Variants in TRHDE observed in about 807,000 individuals in gnomAD.
The protein encoded by TRHDE is thyrotropin releasing hormone degrading enzyme.
Under a neutral mutation model 125.7 loss-of-function variants are expected in TRHDE, and 72 were observed. The observed-to-expected ratio is 0.57, with a 90% CI of 0.47 to 0.70. The LOEUF is 0.70. Among genes scored for constraint, TRHDE ranks in the 30% least tolerant of loss-of-function variants. The probability of loss-of-function intolerance (pLI) is 0.00; values close to 1 mark genes in which losing one functional copy is unlikely to be tolerated. For missense variants in TRHDE, 1,110 were observed against 1,327.1 expected, an observed-to-expected ratio of 0.84 and a Z score of 2.54; for synonymous variants, 509 against 509.1, an observed-to-expected ratio of 1.00 and a Z score of 0.00.
At chr12:72,213,652 T>C (rs2139363489) in intron 2 of TRHDE, among the ~76,000 whole-genome samples, 1 of 152,290 alleles carries the variant, frequency 6.6e-6, no homozygotes, top group Admixed American at 6.5e-5. Context: ...ATTTTCCATA[T>C]ACTTATCTAA....
chr12:72,514,708 A>T (rs762377979), intron 6 of TRHDE, among the ~76,000 whole-genome samples: 1 of 151,418 alleles, frequency 6.6e-6, no homozygotes. Context: ...ACACATGTAT[A>T]CATGTGCCAT....
At chr12:72,645,061 C>T (rs912153303) in intron 15 of TRHDE, among the ~76,000 whole-genome samples, 9 of 152,076 alleles carry the variant, frequency 5.9e-5, no homozygotes, top group South Asian at 2.1e-4. Context: ...AATTGATTAA[C>T]GTGTAGACAT....
At chr12:72,420,566 C>T (rs1873910972) in intron 3 of TRHDE, among the ~76,000 whole-genome samples, 1 of 152,088 alleles carries the variant, frequency 6.6e-6, no homozygotes, top group Non-Finnish European at 1.5e-5. Flanking sequence ...AATCTGAAAA[C>T]TTCCTAAAAG....
intron 2 of TRHDE, among the ~76,000 whole-genome samples, chr12:72,121,962 C>CCCCTCCTTTT (rs1190462728): frequency 6.6e-6 from 1 of 151,974 alleles, no homozygotes; most frequent in African/African-American, 2.4e-5. Flanking sequence ...CTCTGTGCCT[C>CCCCTCCTTTT]CCCTCCTTTT....
intron 1 of TRHDE, among the ~76,000 whole-genome samples, chr12:72,279,177 A>C (rs946655456): frequency 6.6e-6 from 1 of 152,202 alleles, no homozygotes; most frequent in Non-Finnish European, 1.5e-5. Flanking sequence ...AATGCAGGAC[A>C]TGTTTTAGGT....
intron 2 of TRHDE, among the ~76,000 whole-genome samples, chr12:72,259,160 T>C (rs952645436): frequency 1.3e-5 from 2 of 152,226 alleles, no homozygotes; most frequent in Non-Finnish European, 2.9e-5. Context: ...GGCATTCTAA[T>C]TTAAGAAATA....
intron 2 of TRHDE, among the ~76,000 whole-genome samples, chr12:72,327,691 A>G (rs1413883651): frequency 1.3e-5 from 2 of 152,170 alleles, no homozygotes; most frequent in East Asian, 3.9e-4. Flanking sequence ...TTTCATTTGA[A>G]ACTTCTTAAA....
intron 15 of TRHDE, among the ~76,000 whole-genome samples, chr12:72,638,075 C>G (rs570604007): frequency 1.1e-4 from 16 of 147,542 alleles, no homozygotes; most frequent in East Asian, 4.0e-4. Context: ...CTTTCTGTCT[C>G]GTTGATCTGT....
intron 3 of TRHDE, among the ~76,000 whole-genome samples, chr12:72,435,400 T>G: frequency 6.6e-6 from 1 of 152,176 alleles, no homozygotes; most frequent in Middle Eastern, 3.2e-3. Flanking sequence ...GCTTGAGAGC[T>G]CCCTGTGTTG....
chr12:72,257,483 T>C (rs1455321308), intron 2 of TRHDE: 1 of 152,214 alleles, frequency 6.6e-6, no homozygotes. Context: ...AAAACACTTC[T>C]TGACCGAAAC....
At chr12:72,334,866 C>T (rs1336254199) in intron 2 of TRHDE, among the ~76,000 whole-genome samples, 4 of 152,128 alleles carry the variant, frequency 2.6e-5, no homozygotes, top group East Asian at 1.9e-4. Context: ...CCCCGGGTCA[C>T]GCCAGGCAGG....
At chr12:72,376,603 T>A (rs1871893605) in intron 2 of TRHDE, among the ~76,000 whole-genome samples, 2 of 152,226 alleles carry the variant, frequency 1.3e-5, no homozygotes, top group South Asian at 4.1e-4. Flanking sequence ...ATTTAGTAAA[T>A]AACTTACTGC....
intron 2 of TRHDE, among the ~76,000 whole-genome samples, chr12:72,208,521 G>A (rs1352823331): frequency 6.6e-6 from 1 of 152,132 alleles, no homozygotes; most frequent in African/African-American, 2.4e-5. Context: ...AATGGCAGTG[G>A]CAAACTGTTG....
chr12:72,168,569 C>G (rs1592467615), intron 2 of TRHDE, among the ~76,000 whole-genome samples: 1 of 152,218 alleles, frequency 6.6e-6, no homozygotes, highest in Non-Finnish European at 1.5e-5. Flanking sequence ...TTCAATCCTG[C>G]TCCTCTTGAC....
chr12:72,651,762 T>C (rs536529786), intron 15 of TRHDE, among the ~76,000 whole-genome samples: 5 of 152,116 alleles, frequency 3.3e-5, no homozygotes, highest in Non-Finnish European at 7.4e-5. Context: ...TTTATAAACA[T>C]AGGAAAAAAT....
intron 3 of TRHDE, among the ~76,000 whole-genome samples, chr12:72,438,589 G>T (rs1296777316): frequency 6.6e-6 from 1 of 151,632 alleles, no homozygotes; most frequent in Non-Finnish European, 1.5e-5. Context: ...CTATCATGGT[G>T]TTTTGCTTTC....
chr12:72,584,741 A>G (rs1349846095), intron 12 of TRHDE, among the ~76,000 whole-genome samples: 1 of 152,108 alleles, frequency 6.6e-6, no homozygotes. Flanking sequence ...TTCCTTTTTT[A>G]TGGGTAAATA....
At chr12:72,420,398 T>G (rs1794950120) in intron 3 of TRHDE, among the ~76,000 whole-genome samples, 1 of 152,186 alleles carries the variant, frequency 6.6e-6, no homozygotes, top group Non-Finnish European at 1.5e-5. Flanking sequence ...GACTGTCTCA[T>G]GTCTGGAAGG....
intron 2 of TRHDE, among the ~76,000 whole-genome samples, chr12:72,129,472 C>G (rs1188101051): frequency 6.6e-6 from 1 of 152,162 alleles, no homozygotes; most frequent in African/African-American, 2.4e-5. Flanking sequence ...TGTAATAAGC[C>G]TTCTCTTATG....
Sources: allele counts gnomAD v4.1 joint callset (sites outside exome capture counted in the v4.1 genomes callset), GRCh38; gene constraint gnomAD v4.1.1; transcripts MANE v1.5; gene names NCBI Gene and HGNC (gene_info 2026-07-23, HGNC 2026-07-21).